The following ASL variants were observed in gnomAD, a reference collection of about 807,000 sequenced individuals.
ASL encodes the protein argininosuccinate lyase.
Under a neutral mutation model 69.1 loss-of-function variants are expected in ASL, and 51 were observed. That is an observed-to-expected ratio of 0.74 (90% CI 0.59 to 0.93). ASL has a LOEUF of 0.93. Among genes scored for constraint, ASL ranks in the 40% least tolerant of loss-of-function variants. ASL has a pLI of 0.00. For missense variants in ASL, 540 were observed against 623.9 expected (o/e 0.87, Z 1.43); for synonymous variants, 241 against 247.6 (o/e 0.97, Z 0.25).
At chr7:66,089,426 T>A (rs1159612080) in intron 13 of ASL, 91 bp downstream of exon 13, 2 of 1,509,804 alleles carry the variant, frequency 1.3e-6, no homozygotes, top group African/African-American at 1.4e-5. Context: ...TTGCCATACA[T>A]CCTCCCATCC....
intron 13 of ASL, 79 bp from the exon 14 acceptor site, chr7:66,089,519 GCAGTGGGGATGCCT>G: frequency 6.8e-7 from 1 of 1,479,918 alleles, no homozygotes; most frequent in South Asian, 1.2e-5. Context: ...CCCATGGAAG[GCAGTGGGGATGCCT>G]CAGTGGGGGG....
Position 66,082,346 on chromosome 7 carries a change from G to T in ASL, c.208-22G>T, listed in dbSNP as rs1215756890. 6 of 1,603,436 alleles carry T rather than the reference G, an allele frequency of 3.7e-6. No homozygotes were observed. In the African/African-American group the frequency reaches 8.0e-5, roughly 21 times the overall value. On this transcript the variant is annotated intron_variant, in intron 3 of 16. Coordinates refer to ENST00000304874, the MANE Select transcript of ASL (RefSeq NM_000048.4). Reference sequence around the variant, plus strand: ...GCTGATGCCTGCTCACCTGACCCCGGCATTGCTGCTACCCACTACAGGTGG... The same window carrying T: ...GCTGATGCCTGCTCACCTGACCCCGTCATTGCTGCTACCCACTACAGGTGG...
intron 2 of ASL, among the ~76,000 whole-genome samples, chr7:66,076,969 A>G (rs1322407287): frequency 6.6e-6 from 1 of 152,074 alleles, no homozygotes; most frequent in African/African-American, 2.4e-5. Flanking sequence ...GGGTCATGGC[A>G]GGGGGGTAGG....
chr7:66,082,345 G>C, intron 3 of ASL, 23 bp from the exon 4 acceptor site: 1 of 1,602,726 alleles, frequency 6.2e-7, no homozygotes, highest in Non-Finnish European at 8.5e-7. Flanking sequence ...ACCTGACCCC[G>C]GCATTGCTGC....
chr7:66,080,615 C>T (rs77417082), intron 2 of ASL, among the ~76,000 whole-genome samples: 6,038 of 151,282 alleles, frequency 0.04, 400 homozygotes, highest in African/African-American at 0.14. Context: ...TCCAGCTACT[C>T]GGGAGGCTGA....
At chr7:66,078,712 G>A (rs933976168) in intron 2 of ASL, among the ~76,000 whole-genome samples, 1 of 124,874 alleles carries the variant, frequency 8.0e-6, no homozygotes, top group Non-Finnish European at 1.9e-5. Context: ...TCTGCTCACC[G>A]CAACCTCTAC....
intron 6 of ASL, among the ~76,000 whole-genome samples, chr7:66,084,809 C>T (rs933810735): frequency 1.9e-4 from 29 of 152,078 alleles, no homozygotes; most frequent in African/African-American, 5.6e-4. Context: ...TTAGTAGAGA[C>T]GGGGTTTCAC....
chr7:66,080,549 C>T (rs577222062), intron 2 of ASL, among the ~76,000 whole-genome samples: 10 of 151,802 alleles, frequency 6.6e-5, no homozygotes, highest in Admixed American at 6.6e-4. Context: ...ATGGTGAAAC[C>T]CCGTCTCTAC....
At chr7:66,085,516 T>G (rs1786635319) in intron 6 of ASL, among the ~76,000 whole-genome samples, 1 of 151,806 alleles carries the variant, frequency 6.6e-6, no homozygotes, top group African/African-American at 2.4e-5. Context: ...TGGTGGCTCA[T>G]ATCTGTAATC....
At chr7:66,079,131 A>T (rs941343809) in intron 2 of ASL, among the ~76,000 whole-genome samples, 2 of 151,978 alleles carry the variant, frequency 1.3e-5, no homozygotes, top group Non-Finnish European at 2.9e-5. Flanking sequence ...GTTAGCCAGG[A>T]TGGTCTCCAT....
Position 66,089,688 on chromosome 7 carries a change from C to T in ASL, c.1055C>T (p.Thr352Met), listed in dbSNP as rs778692269. 44 of 1,613,248 alleles carry T rather than the reference C, an allele frequency of 2.7e-5. No homozygotes were observed. Among genetic ancestry groups the T allele is most frequent in the South Asian group, 1.2e-4 (11 of 91,072 alleles). Reference protein sequence around the residue: ...VLQVATGVISTLQIHQENMGQ... With the variant: ...VLQVATGVISMLQIHQENMGQ... ...CAGGTGGCCACTGGCGTCATCTCTA[C>T]GCTGCAGGCAAGACATCACCCCCCT... Residue 352 changes from threonine to methionine, a missense_variant, in exon 14 of 17, where the codon ACG becomes ATG. Physicochemically the swap from Thr to Met is moderately conservative, Grantham distance 81. Transcript: ENST00000304874.
intron 6 of ASL, among the ~76,000 whole-genome samples, chr7:66,086,307 T>C (rs1296032633): frequency 6.6e-6 from 1 of 152,158 alleles, no homozygotes; most frequent in East Asian, 1.9e-4. Context: ...TGCTCGGAGA[T>C]GCTGAGTGAC....
chr7:66,082,496 A>G, intron 4 of ASL, 45 bp downstream of exon 4: 1 of 1,580,728 alleles, frequency 6.3e-7, no homozygotes, highest in Non-Finnish European at 8.6e-7. Context: ...TCCCCTCTCC[A>G]CCTTGCCCAG....
In ASL at chr7:66,081,932, G is replaced by A. The variant is rs1786515501; in HGVS notation, c.142G>A (p.Gly48Ser). The change falls in exon 3 of 17, where the codon GGC becomes AGC. Residue 48 changes from glycine to serine, a missense_variant. By Grantham distance (56) the Gly-to-Ser change is moderately conservative (BLOSUM62 0). Transcript: ENST00000304874. ...DVQGSKAYSR[G>S]LEKAGLLTKA... ...TCAAGGCAGCAAAGCCTACAGCAGG[G>A]GCCTGGAGAAGGCAGGGCTCCTCAC... 2 of 1,613,688 alleles carry A rather than the reference G, an allele frequency of 1.2e-6. No homozygotes were observed. Among genetic ancestry groups the A allele is most frequent in the South Asian group, 2.2e-5 (2 of 91,054 alleles).
chr7:66,083,268 C>A, intron 6 of ASL, 94 bp downstream of exon 6: 1 of 1,388,520 alleles, frequency 7.2e-7, no homozygotes, highest in Non-Finnish European at 9.9e-7. Flanking sequence ...CGTGGGGGTG[C>A]CAGGCCCTGG....
intron 6 of ASL, among the ~76,000 whole-genome samples, chr7:66,084,707 C>A (rs1480638905): frequency 6.6e-6 from 1 of 152,090 alleles, no homozygotes; most frequent in Non-Finnish European, 1.5e-5. Flanking sequence ...GCAACCTCTG[C>A]CTCCCAGGTT....
At chr7:66,090,030 G>C (rs1303196211) in intron 14 of ASL, among the ~76,000 whole-genome samples, 1 of 152,196 alleles carries the variant, frequency 6.6e-6, no homozygotes, top group Non-Finnish European at 1.5e-5. Context: ...TTGAGGTCAG[G>C]GGTTTGAGAC....
chr7:66,090,909 C>G (rs1472058127), intron 14 of ASL, among the ~76,000 whole-genome samples: 1 of 151,846 alleles, frequency 6.6e-6, no homozygotes, highest in Non-Finnish European at 1.5e-5. Flanking sequence ...ACCAGCCTGG[C>G]CAACATGGCG....
chr7:66,093,038 A>G lies in ASL; in HGVS notation c.*126A>G, dbSNP rs1786901479. ...GCCAGTGGGGACAGTCAGGGACTGG[A>G]GAGGCAGGGCAGGGTGGCCTGTAAT... On this transcript the variant is annotated 3_prime_UTR_variant, in exon 17 of 17. Transcript: ENST00000304874. 1.4e-6 allele frequency: 2 copies of G among 1,465,380 alleles called. No individual in the cohort carries two copies. The highest frequency in any genetic ancestry group is 5.0e-5 in the East Asian group (2 of 40,342). 90.8% of individuals were successfully genotyped at this position (1,465,380 alleles called of 1,614,324 possible).
Sources: allele counts gnomAD v4.1 joint callset (sites outside exome capture counted in the v4.1 genomes callset), GRCh38; gene constraint gnomAD v4.1.1; transcripts MANE v1.5; gene names NCBI Gene and HGNC (gene_info 2026-07-23, HGNC 2026-07-21).